Variants in UBE2E2 observed in about 807,000 individuals in gnomAD.
The protein encoded by UBE2E2 is ubiquitin-conjugating enzyme E2 E2.
In UBE2E2, 6 loss-of-function variants were observed where a neutral mutation model predicts 24.7. That is an observed-to-expected ratio of 0.24 (90% CI 0.13 to 0.48). The LOEUF is 0.48. UBE2E2 is among the 20% of genes least tolerant of loss of function. UBE2E2 has a pLI of 0.99. For synonymous variants in UBE2E2, 104 were observed against 83.6 expected (o/e 1.24, Z -1.33); for missense variants, 169 against 245.0 (o/e 0.69, Z 2.07).
chr3:23,527,771 T>C (rs1695033099), intron 4 of UBE2E2, among the ~76,000 whole-genome samples: 1 of 152,162 alleles, frequency 6.6e-6, no homozygotes. Flanking sequence ...GCTGAACTCA[T>C]GGAGGTTGTT....
Position 23,281,772 on chromosome 3 carries a change from C to T in UBE2E2, c.227+64460C>T, listed in dbSNP as rs60752860. On this transcript the variant is annotated intron_variant, in intron 3 of 5. Transcript: ENST00000396703. ...AAATACTATTTCTGAGAATTTCATT[C>T]GCAGTAATATTAGAAATCTATTACA... is the stretch of plus-strand genomic sequence containing the variant. Among the ~76,000 whole-genome samples the T allele has an allele frequency of 4.8e-3, 729 of 152,106 alleles. 6 individuals are homozygous for T. The highest frequency in any genetic ancestry group is 0.011 in the African/African-American group (461 of 41,488).
At chr3:23,469,050 G>A (rs1335814823) in intron 3 of UBE2E2, among the ~76,000 whole-genome samples, 1 of 152,210 alleles carries the variant, frequency 6.6e-6, no homozygotes, top group Non-Finnish European at 1.5e-5. Context: ...CATGGACTGA[G>A]TGGATTGTAA....
intron 3 of UBE2E2, among the ~76,000 whole-genome samples, chr3:23,346,626 C>T (rs1559355669): frequency 6.6e-6 from 1 of 152,198 alleles, no homozygotes; most frequent in Non-Finnish European, 1.5e-5. Flanking sequence ...CTTTTAAATG[C>T]TATCCCTAAA....
chr3:23,434,467 G>A lies in UBE2E2; in HGVS notation c.228-65141G>A, dbSNP rs147785598. On this transcript the variant is annotated intron_variant, in intron 3 of 5. Coordinates refer to ENST00000396703, the MANE Select transcript of UBE2E2 (RefSeq NM_152653.4). ...TTTAAAGGCAAAAAATTCTTGGTAC[G>A]AAACAGATACTCCCAAAATGATCAC... 3.3e-5 allele frequency among the ~76,000 whole-genome samples: 5 copies of A among 152,180 alleles called. No individual in the cohort carries two copies. In the East Asian group the frequency reaches 7.7e-4, roughly 23 times the overall value.
chr3:23,352,788 C>T (rs1454202380), intron 3 of UBE2E2, among the ~76,000 whole-genome samples: 6 of 152,226 alleles, frequency 3.9e-5, no homozygotes, highest in Admixed American at 6.5e-5. Flanking sequence ...GATTCACAGC[C>T]GAATTCTACC....
chr3:23,244,042 T>C (rs1697322807), intron 3 of UBE2E2, among the ~76,000 whole-genome samples: 1 of 151,912 alleles, frequency 6.6e-6, no homozygotes, highest in Admixed American at 6.6e-5. Context: ...GTTTTTAGTC[T>C]CTTATTATGA....
intron 3 of UBE2E2, among the ~76,000 whole-genome samples, chr3:23,282,664 G>A (rs181997128): frequency 3.9e-5 from 6 of 152,134 alleles, no homozygotes. Flanking sequence ...ATTCTATTTT[G>A]ATATGCCAAC....
At chr3:23,383,095 A>G (rs1390094998) in intron 3 of UBE2E2, among the ~76,000 whole-genome samples, 1 of 152,212 alleles carries the variant, frequency 6.6e-6, no homozygotes, top group African/African-American at 2.4e-5. Context: ...GAAGAAAAGT[A>G]AAAGTAGGAA....
intron 3 of UBE2E2, among the ~76,000 whole-genome samples, chr3:23,394,521 C>A (rs1436743714): frequency 6.6e-6 from 1 of 152,094 alleles, no homozygotes; most frequent in Non-Finnish European, 1.5e-5. Flanking sequence ...CTGCCAAGAA[C>A]AACTAGAAAA....
chr3:23,581,900 T>A (rs958744283), intron 5 of UBE2E2, among the ~76,000 whole-genome samples: 1 of 152,218 alleles, frequency 6.6e-6, no homozygotes, highest in African/African-American at 2.4e-5. Context: ...TAGCTGCTGC[T>A]TATCCCTTTT....
chr3:23,341,622 G>A (rs1162393369), intron 3 of UBE2E2, among the ~76,000 whole-genome samples: 1 of 152,100 alleles, frequency 6.6e-6, no homozygotes, highest in African/African-American at 2.4e-5. Flanking sequence ...TTTTAAAACT[G>A]TGTCTCCCAC....
chr3:23,431,713 A>AT lies in UBE2E2; in HGVS notation c.228-67886dup, dbSNP rs200299433. On this transcript the variant is annotated intron_variant, in intron 3 of 5. Coordinates refer to ENST00000396703, the MANE Select transcript of UBE2E2 (RefSeq NM_152653.4). ...AGTAAAAATAAAATAGTATAAACAG[A>AT]TTTTTTTTTAGCCTCTGAAAACCAC... 8.9e-3 allele frequency among the ~76,000 whole-genome samples: 1,350 copies of AT among 151,716 alleles called. 21 individuals are homozygous for AT. Among genetic ancestry groups the AT allele is most frequent in the African/African-American group, 0.03 (1,252 of 41,444 alleles).
chr3:23,547,421 G>C (rs931327671), intron 5 of UBE2E2, among the ~76,000 whole-genome samples: 3 of 152,134 alleles, frequency 2.0e-5, no homozygotes, highest in African/African-American at 7.2e-5. Flanking sequence ...TTCACCAGTT[G>C]CTGCTTTTGA....
At chr3:23,347,744 A>G (rs1695606036) in intron 3 of UBE2E2, among the ~76,000 whole-genome samples, 1 of 152,164 alleles carries the variant, frequency 6.6e-6, no homozygotes, top group Non-Finnish European at 1.5e-5. Flanking sequence ...TATCAGCTAC[A>G]AAAGGGGACC....
At chr3:23,311,535 G>T (rs1441218454) in intron 3 of UBE2E2, among the ~76,000 whole-genome samples, 1 of 152,148 alleles carries the variant, frequency 6.6e-6, no homozygotes. Flanking sequence ...AGTGTAATCA[G>T]AGAGACTTGG....
intron 3 of UBE2E2, among the ~76,000 whole-genome samples, chr3:23,219,845 A>AT (rs1054711342): frequency 1.1e-4 from 16 of 152,010 alleles, no homozygotes; most frequent in African/African-American, 3.4e-4. Flanking sequence ...GTGGAGAACG[A>AT]TTTTTTCTAC....
chr3:23,219,364 A>T (rs145775484), intron 3 of UBE2E2, among the ~76,000 whole-genome samples: 39 of 152,312 alleles, frequency 2.6e-4, no homozygotes, highest in African/African-American at 8.9e-4. Flanking sequence ...TATTAAGTGC[A>T]TCACTGTGGT....
chr3:23,285,248 A>G (rs536839837), intron 3 of UBE2E2, among the ~76,000 whole-genome samples: 64 of 152,254 alleles, frequency 4.2e-4, no homozygotes, highest in South Asian at 1.5e-3. Context: ...TCCGTTGTGT[A>G]TGTGTCCATT....
At chr3:23,285,489 C>A (rs1033769181) in intron 3 of UBE2E2, among the ~76,000 whole-genome samples, 1 of 152,178 alleles carries the variant, frequency 6.6e-6, no homozygotes, top group African/African-American at 2.4e-5. Flanking sequence ...TATGTTCCCA[C>A]CAACAGTGTA....
Sources: allele counts gnomAD v4.1 joint callset (sites outside exome capture counted in the v4.1 genomes callset), GRCh38; gene constraint gnomAD v4.1.1; transcripts MANE v1.5; gene names NCBI Gene and HGNC (gene_info 2026-07-23, HGNC 2026-07-21).